The following ANO2 variants were observed in gnomAD, a reference collection of about 807,000 sequenced individuals.
ANO2 encodes the protein anoctamin-2.
Under a neutral mutation model 124.2 loss-of-function variants are expected in ANO2, and 101 were observed. That is an observed-to-expected ratio of 0.81 (90% confidence interval 0.69 to 0.96). The LOEUF is 0.96. Ranked by LOEUF, ANO2 falls within the 40% of genes least tolerant of loss-of-function variation. The pLI is 0.00. For missense variants in ANO2, 1,293 were observed against 1,274.5 expected (o/e 1.01, Z -0.22); for synonymous variants, 486 against 482.5 (o/e 1.01, Z -0.09).
At chr12:5,604,800 T>C (rs1394184836) in intron 19 of ANO2, among the ~76,000 whole-genome samples, 1 of 152,156 alleles carries the variant, frequency 6.6e-6, no homozygotes, top group Non-Finnish European at 1.5e-5. Flanking sequence ...ATCCTGGAAG[T>C]TGTATAACAT....
At chr12:5,808,011 A>T (rs1440196432) in intron 7 of ANO2, among the ~76,000 whole-genome samples, 1 of 152,212 alleles carries the variant, frequency 6.6e-6, no homozygotes, top group Non-Finnish European at 1.5e-5. Flanking sequence ...GTGTTGTGGC[A>T]CATGCTGACA....
At chr12:5,726,967 C>T (rs1417007300) in intron 14 of ANO2, among the ~76,000 whole-genome samples, 7 of 152,158 alleles carry the variant, frequency 4.6e-5, no homozygotes, top group East Asian at 1.9e-4. Flanking sequence ...ACTCCTACCC[C>T]GGGGTCCTTA....
At chr12:5,895,110 T>C (rs943396953) in intron 3 of ANO2, among the ~76,000 whole-genome samples, 3 of 152,222 alleles carry the variant, frequency 2.0e-5, no homozygotes, top group African/African-American at 2.4e-5. Context: ...ATATTGATTC[T>C]ACCTATCCAT....
At chr12:5,748,871 A>T (rs1468268462) in intron 11 of ANO2, among the ~76,000 whole-genome samples, 1 of 6,950 alleles carries the variant, frequency 1.4e-4, no homozygotes, top group Non-Finnish European at 3.0e-4. Flanking sequence ...TTCACCCTCC[A>T]AAAAAAAAAA....
intron 14 of ANO2, among the ~76,000 whole-genome samples, chr12:5,728,948 T>A (rs1950538891): frequency 6.6e-6 from 1 of 152,182 alleles, no homozygotes. Flanking sequence ...GAAAAATACA[T>A]TTGAATACCC....
intron 14 of ANO2, among the ~76,000 whole-genome samples, chr12:5,693,672 C>T (rs1949039301): frequency 6.6e-6 from 1 of 152,098 alleles, no homozygotes; most frequent in African/African-American, 2.4e-5. Context: ...CTGGCCCAGA[C>T]CCTCTCCTTC....
intron 4 of ANO2, among the ~76,000 whole-genome samples, chr12:5,843,569 A>G (rs1261284619): frequency 6.6e-6 from 1 of 152,112 alleles, no homozygotes; most frequent in Non-Finnish European, 1.5e-5. Flanking sequence ...ATAAAATAAA[A>G]TAAAATAAAT....
intron 1 of ANO2, among the ~76,000 whole-genome samples, chr12:5,937,372 C>T (rs1464536205): frequency 6.6e-6 from 1 of 152,164 alleles, no homozygotes; most frequent in Non-Finnish European, 1.5e-5. Flanking sequence ...GGAGAAATGT[C>T]TATCCAGGTC....
At chr12:5,906,205 C>G (rs1940671313) in intron 3 of ANO2, among the ~76,000 whole-genome samples, 1 of 152,092 alleles carries the variant, frequency 6.6e-6, no homozygotes, top group Non-Finnish European at 1.5e-5. Flanking sequence ...CTCCAGTTGG[C>G]CTTCCCTGTC....
At chr12:5,576,194 G>C (rs940554081) in intron 22 of ANO2, among the ~76,000 whole-genome samples, 179 bp from the exon 23 acceptor site, 1 of 152,322 alleles carries the variant, frequency 6.6e-6, no homozygotes, top group Non-Finnish European at 1.5e-5. Context: ...ATGTGTATAA[G>C]TATAATAAGT....
intron 19 of ANO2, among the ~76,000 whole-genome samples, chr12:5,606,019 T>C (rs1944203280): frequency 6.6e-6 from 1 of 152,198 alleles, no homozygotes; most frequent in Non-Finnish European, 1.5e-5. Context: ...TCTATTATCA[T>C]GGCATTAGTC....
intron 5 of ANO2, among the ~76,000 whole-genome samples, chr12:5,831,176 C>T (rs765089497): frequency 6.6e-6 from 1 of 152,220 alleles, no homozygotes; most frequent in Non-Finnish European, 1.5e-5. Flanking sequence ...AATACGCTCC[C>T]AGCACCCCAG....
intron 3 of ANO2, among the ~76,000 whole-genome samples, chr12:5,917,100 A>G (rs1191493190): frequency 6.6e-6 from 1 of 152,124 alleles, no homozygotes; most frequent in African/African-American, 2.4e-5. Context: ...CTGGGTGGTT[A>G]TACAACAGGA....
chr12:5,816,553 A>G (rs1277996033), intron 7 of ANO2, among the ~76,000 whole-genome samples: 2 of 152,128 alleles, frequency 1.3e-5, no homozygotes, highest in South Asian at 2.1e-4. Context: ...CCTACTCTGT[A>G]GCATCCCAAA....
chr12:5,945,582 T>C (rs6489681), upstream of ANO2, among the ~76,000 whole-genome samples: 147,447 of 152,348 alleles, frequency 0.97, 71,529 homozygotes, highest in Middle Eastern at 1. Flanking sequence ...AAAAATTCAG[T>C]CGGATTATCT....
intron 14 of ANO2, among the ~76,000 whole-genome samples, chr12:5,690,592 G>A (rs1176987370): frequency 6.6e-6 from 1 of 152,202 alleles, no homozygotes; most frequent in African/African-American, 2.4e-5. Context: ...GAGTTCCAAA[G>A]AGTGATTGTC....
intron 10 of ANO2, among the ~76,000 whole-genome samples, chr12:5,783,517 A>G (rs1952460461): frequency 6.6e-6 from 1 of 152,228 alleles, no homozygotes; most frequent in African/African-American, 2.4e-5. Context: ...AGGAAGTATC[A>G]TGGCAAATTG....
intron 14 of ANO2, among the ~76,000 whole-genome samples, chr12:5,727,825 G>A (rs1184761077): frequency 1.4e-5 from 2 of 147,012 alleles, no homozygotes; most frequent in Admixed American, 6.8e-5. Context: ...TTTTTTTTTC[G>A]AGACAGAGTC....
At chr12:5,609,350 C>T (rs1446960062) in intron 19 of ANO2, among the ~76,000 whole-genome samples, 1 of 152,048 alleles carries the variant, frequency 6.6e-6, no homozygotes, top group Non-Finnish European at 1.5e-5. Flanking sequence ...CGCCAATCCT[C>T]CCCAAAGAAA....
Sources: allele counts gnomAD v4.1 joint callset (sites outside exome capture counted in the v4.1 genomes callset), GRCh38; gene constraint gnomAD v4.1.1; transcripts MANE v1.5; gene names NCBI Gene and HGNC (gene_info 2026-07-23, HGNC 2026-07-21).